Variants in DLG2 observed in about 807,000 individuals in gnomAD.
DLG2 encodes disks large homolog 2.
Under a neutral mutation model 132.5 loss-of-function variants are expected in DLG2, and 45 were observed. The observed-to-expected ratio is 0.34, with a 90% CI of 0.27 to 0.44. DLG2 has a LOEUF of 0.44. Among genes scored for constraint, DLG2 ranks in the 20% least tolerant of loss-of-function variants. The probability of loss-of-function intolerance (pLI) is 1.00; values close to 1 mark genes in which losing one functional copy is unlikely to be tolerated. For missense variants in DLG2, 1,045 were observed against 1,196.9 expected, an observed-to-expected ratio of 0.87 and a Z score of 1.87; for synonymous variants, 424 against 419.6, an observed-to-expected ratio of 1.01 and a Z score of -0.13.
At chr11:83,612,372 G>C (rs1840326150) in intron 19 of DLG2, among the ~76,000 whole-genome samples, 4 of 152,172 alleles carry the variant, frequency 2.6e-5, no homozygotes, top group Admixed American at 2.6e-4. Context: ...GATTAAATAA[G>C]GTTAAATGAG....
rs61542251 is a variant in DLG2 at position 85,554,739 on chromosome 11, G to GC, written c.40+43917_40+43918insG. 9.2e-3 allele frequency among the ~76,000 whole-genome samples: 1,396 copies of GC among 151,844 alleles called. 25 individuals are homozygous for GC. Among genetic ancestry groups the GC allele is most frequent in the African/African-American group, 0.03 (1,244 of 41,470 alleles). ...CCTTCTATGATCGTTTATTGCACCA[G>GC]AGGTCACAAGATTTGCAACTTCCCC... is the stretch of plus-strand genomic sequence containing the variant. On this transcript the variant is annotated intron_variant, in intron 3 of 27. Transcript: ENST00000376104.
intron 6 of DLG2, among the ~76,000 whole-genome samples, chr11:84,986,695 T>A (rs1009881349): frequency 6.6e-6 from 1 of 152,138 alleles, no homozygotes; most frequent in African/African-American, 2.4e-5. Context: ...GAAAAAGCAT[T>A]TGACAAAATT....
intron 6 of DLG2, among the ~76,000 whole-genome samples, chr11:84,874,983 G>A (rs565632848): frequency 1.4e-5 from 2 of 143,462 alleles, no homozygotes; most frequent in Non-Finnish European, 3.0e-5. Context: ...TTGCACCACT[G>A]TACCCCAGCC....
chr11:83,998,134 T>C (rs990212508), intron 11 of DLG2, among the ~76,000 whole-genome samples: 3 of 151,486 alleles, frequency 2.0e-5, no homozygotes, highest in Non-Finnish European at 4.4e-5. Context: ...AGACCCCATC[T>C]CAAAAAAAAG....
chr11:85,357,704 T>TTATA (rs58283704), intron 3 of DLG2, among the ~76,000 whole-genome samples: 40 of 106,240 alleles, frequency 3.8e-4, no homozygotes, highest in East Asian at 5.7e-4. Context: ...CTGTTCTGAA[T>TTATA]TATATATATA....
chr11:83,727,537 C>G (rs2090243204), intron 18 of DLG2, among the ~76,000 whole-genome samples: 1 of 152,074 alleles, frequency 6.6e-6, no homozygotes, highest in African/African-American at 2.4e-5. Flanking sequence ...TACTTGGCTC[C>G]CCTTTGCCTT....
In DLG2 at chr11:85,504,519, T is replaced by A. The variant is rs2093881693; in HGVS notation, c.40+94138A>T. 2.6e-5 allele frequency among the ~76,000 whole-genome samples: 4 copies of A among 152,272 alleles called. No individual in the cohort carries two copies. The South Asian group carries it at 8.3e-4, about 32-fold the overall frequency. On this transcript the variant is annotated intron_variant, in intron 3 of 27. Coordinates refer to ENST00000376104, the MANE Select transcript of DLG2 (RefSeq NM_001142699.3). ...GTCAGGTTTATCAAATATCAGATGG[T>A]TGTAGATGTGTGGTATTATTTCTGA...
intron 18 of DLG2, among the ~76,000 whole-genome samples, chr11:83,637,261 C>T (rs2065094547): frequency 6.6e-6 from 1 of 152,142 alleles, no homozygotes; most frequent in South Asian, 2.1e-4. Context: ...CATATCTATG[C>T]CTGTCCCTTT....
At chr11:85,223,837 C>A (rs1296836163) in intron 4 of DLG2, among the ~76,000 whole-genome samples, 2 of 151,910 alleles carry the variant, frequency 1.3e-5, no homozygotes, top group African/African-American at 4.8e-5. Context: ...CAAGTCACAC[C>A]AAATAAACAT....
chr11:84,374,327 A>C (rs1486862799), intron 7 of DLG2, among the ~76,000 whole-genome samples: 1 of 152,182 alleles, frequency 6.6e-6, no homozygotes, highest in East Asian at 1.9e-4. Context: ...CATAACCCAT[A>C]ATGTTCAACT....
chr11:84,663,120 T>G (rs1432370847), intron 6 of DLG2, among the ~76,000 whole-genome samples: 1 of 152,108 alleles, frequency 6.6e-6, no homozygotes, highest in African/African-American at 2.4e-5. Context: ...CTTCACCATT[T>G]TGAAGATCAC....
intron 21 of DLG2, among the ~76,000 whole-genome samples, chr11:83,510,590 G>C (rs2094955496): frequency 6.6e-6 from 1 of 152,154 alleles, no homozygotes; most frequent in African/African-American, 2.4e-5. Context: ...TCGCTAGGGA[G>C]TTTGGTCATG....
chr11:83,840,411 C>T (rs2057288529), intron 16 of DLG2, among the ~76,000 whole-genome samples: 1 of 152,168 alleles, frequency 6.6e-6, no homozygotes, highest in South Asian at 2.1e-4. Flanking sequence ...TAATTAATTA[C>T]ACGAATGTCT....
intron 6 of DLG2, among the ~76,000 whole-genome samples, chr11:84,929,203 G>C (rs2047813035): frequency 6.6e-6 from 1 of 151,026 alleles, no homozygotes; most frequent in Non-Finnish European, 1.5e-5. Flanking sequence ...AGAAGCTAGA[G>C]GTGGAACTCC....
At chr11:83,463,652 A>G (rs2090474632) in intron 26 of DLG2, among the ~76,000 whole-genome samples, 1 of 152,164 alleles carries the variant, frequency 6.6e-6, no homozygotes, top group South Asian at 2.1e-4. Flanking sequence ...TTAGCTGGGT[A>G]TGGTGGCACA....
At chr11:83,723,646 G>A (rs1252052234) in intron 18 of DLG2, among the ~76,000 whole-genome samples, 3 of 152,142 alleles carry the variant, frequency 2.0e-5, no homozygotes, top group Non-Finnish European at 4.4e-5. Flanking sequence ...CCCGAGGTCA[G>A]GAGTTTGAGA....
intron 14 of DLG2, among the ~76,000 whole-genome samples, chr11:83,952,407 T>A (rs1657482731): frequency 6.6e-6 from 1 of 152,128 alleles, no homozygotes; most frequent in African/African-American, 2.4e-5. Context: ...GAGTTTGTGT[T>A]TGGACATATT....
intron 6 of DLG2, among the ~76,000 whole-genome samples, chr11:84,969,896 T>C (rs1592007058): frequency 6.6e-6 from 1 of 152,104 alleles, no homozygotes; most frequent in East Asian, 1.9e-4. Context: ...AAACCATCAT[T>C]CTCAGCAAAC....
At chr11:84,329,433 T>A (rs1046652556) in intron 7 of DLG2, among the ~76,000 whole-genome samples, 1 of 152,174 alleles carries the variant, frequency 6.6e-6, no homozygotes, top group African/African-American at 2.4e-5. Context: ...TGTGATAGTG[T>A]GTGAGTTCTC....
Sources: gnomAD v4.1 joint callset for allele counts (sites outside exome capture counted in the v4.1 genomes callset) on GRCh38, gnomAD v4.1.1 for gene constraint, MANE v1.5 for transcripts, NCBI Gene and HGNC (gene_info 2026-07-23, HGNC 2026-07-21) for gene names.